Variants in MGMT observed in about 807,000 individuals in gnomAD.
The protein encoded by MGMT is O-6-methylguanine-DNA methyltransferase.
In MGMT, 14 loss-of-function variants were observed where a neutral mutation model predicts 15.9. That is an observed-to-expected ratio of 0.88 (90% CI 0.58 to 1.37). The LOEUF (loss-of-function observed/expected upper bound fraction) is 1.37. Ranked by LOEUF, MGMT falls within the 40% of genes most tolerant of loss-of-function variation. MGMT has a pLI of 0.00. For missense variants in MGMT, 282 were observed against 268.1 expected, an observed-to-expected ratio of 1.05 and a Z score of -0.36; for synonymous variants, 130 against 118.2, an observed-to-expected ratio of 1.10 and a Z score of -0.65.
chr10:129,517,933 C>T (rs1319264282), intron 1 of MGMT, among the ~76,000 whole-genome samples: 10 of 152,268 alleles, frequency 6.6e-5, no homozygotes, highest in South Asian at 2.1e-4. Context: ...CTTTGTCACC[C>T]GCAGTGAGAA....
chr10:129,693,985 G>A (rs982935935), intron 2 of MGMT: 1 of 152,208 alleles, frequency 6.6e-6, no homozygotes, highest in Non-Finnish European at 1.5e-5. Context: ...GAATGAGGTG[G>A]CCTGAGGCCC....
chr10:129,722,973 TCCAGTTTGGGTGACAGAG>T (rs1848389528), intron 3 of MGMT, among the ~76,000 whole-genome samples: 1 of 136,648 alleles, frequency 7.3e-6, no homozygotes, highest in African/African-American at 2.9e-5. Flanking sequence ...GCCACTGCAT[TCCAGTTTGGGTGACAGAG>T]GAAGACTCTA....
intron 2 of MGMT, among the ~76,000 whole-genome samples, chr10:129,603,676 T>C (rs752194716): frequency 1.1e-4 from 16 of 152,246 alleles, no homozygotes; most frequent in Non-Finnish European, 1.6e-4. Flanking sequence ...CTAAAAGCAA[T>C]TGCTAATTTC....
intron 2 of MGMT, among the ~76,000 whole-genome samples, chr10:129,673,650 AG>A (rs1457307039): frequency 6.6e-6 from 1 of 152,156 alleles, no homozygotes; most frequent in Non-Finnish European, 1.5e-5. Flanking sequence ...ATGCCCATTC[AG>A]GGGTTGCAAG....
chr10:129,598,774 G>A (rs1400943202), intron 2 of MGMT, among the ~76,000 whole-genome samples: 3 of 152,150 alleles, frequency 2.0e-5, no homozygotes, highest in Non-Finnish European at 2.9e-5. Flanking sequence ...ATATTACAAA[G>A]TAGAGACGAC....
chr10:129,530,461 G>T (rs1589852676), intron 1 of MGMT, among the ~76,000 whole-genome samples: 1 of 152,140 alleles, frequency 6.6e-6, no homozygotes, highest in Admixed American at 6.5e-5. Flanking sequence ...TGGCACCTTA[G>T]CCCAGTAGCT....
rs185056336 is a variant in MGMT, at chr10:129,719,561, C to T, written c.274+11518C>T. Among the ~76,000 whole-genome samples, 15 of 152,256 alleles carry T rather than the reference C, an allele frequency of 9.9e-5. 1 individual carries two copies. The highest frequency in any genetic ancestry group is 3.4e-4 in the African/African-American group (14 of 41,568). ...CTGTCCTGCTTGCCCTGCAGATGGC[C>T]GTCTCCTTGCTGCGTCCTCACTAGG... is the stretch of plus-strand genomic sequence containing the variant. On this transcript the variant is annotated intron_variant, in intron 3 of 4. Coordinates refer to ENST00000651593, the MANE Select transcript of MGMT (RefSeq NM_002412.5).
At chr10:129,641,745 G>A (rs1225429594) in intron 2 of MGMT, among the ~76,000 whole-genome samples, 1 of 152,096 alleles carries the variant, frequency 6.6e-6, no homozygotes, top group Non-Finnish European at 1.5e-5. Flanking sequence ...GACAGTTATA[G>A]CCTGTGTCAT....
At chr10:129,723,890 ACTGC>A (rs1192924973) in intron 3 of MGMT, among the ~76,000 whole-genome samples, 1 of 152,224 alleles carries the variant, frequency 6.6e-6, no homozygotes, top group East Asian at 1.9e-4. Context: ...TGTCGCAGAG[ACTGC>A]CGCAGCCTCG....
At position 129,711,114 on chromosome 10, in the gene MGMT, G is replaced by T. The variant is rs902759430; in HGVS notation, c.274+3071G>T. On this transcript the variant is annotated intron_variant, in intron 3 of 4. Coordinates refer to ENST00000651593, the MANE Select transcript of MGMT (RefSeq NM_002412.5). Reference sequence around the variant, plus strand: ...TACCAAGCCCTCATCCCTTCCTCAGGCCTGTCCTGCTGCTGAAAGACCCTC... The same window carrying T: ...TACCAAGCCCTCATCCCTTCCTCAGTCCTGTCCTGCTGCTGAAAGACCCTC... Among the ~76,000 whole-genome samples the T allele has an allele frequency of 2.0e-5, 3 of 152,130 alleles. No individual in the cohort carries two copies. In the East Asian group the frequency reaches 5.8e-4, roughly 29 times the overall value.
At chr10:129,622,219 T>G (rs1488166847) in intron 2 of MGMT, among the ~76,000 whole-genome samples, 2 of 152,260 alleles carry the variant, frequency 1.3e-5, no homozygotes, top group Non-Finnish European at 2.9e-5. Flanking sequence ...ATCGAATGAT[T>G]AGCAGTATGT....
At chr10:129,626,678 G>A (rs1009264580) in intron 2 of MGMT, among the ~76,000 whole-genome samples, 3 of 152,172 alleles carry the variant, frequency 2.0e-5, no homozygotes, top group Admixed American at 6.5e-5. Context: ...GACAGGCTCC[G>A]GTTCCAGCTA....
At chr10:129,543,404 A>G (rs1332116664) in intron 2 of MGMT, among the ~76,000 whole-genome samples, 3 of 152,138 alleles carry the variant, frequency 2.0e-5, no homozygotes, top group African/African-American at 7.2e-5. Flanking sequence ...ACTGCGGAGA[A>G]TCCCAGGCTG....
chr10:129,596,586 C>T (rs986473607), intron 2 of MGMT, among the ~76,000 whole-genome samples: 2 of 152,174 alleles, frequency 1.3e-5, no homozygotes, highest in South Asian at 2.1e-4. Context: ...TGGAGAACCA[C>T]GGTGCTTGAG....
chr10:129,731,343 A>C (rs916564114), intron 3 of MGMT, among the ~76,000 whole-genome samples: 7 of 149,720 alleles, frequency 4.7e-5, no homozygotes, highest in Admixed American at 1.3e-4. Flanking sequence ...CATATTGGAA[A>C]TTAAACCTAA....
At chr10:129,725,413 GT>G (rs1848421128) in intron 3 of MGMT, among the ~76,000 whole-genome samples, 3 of 152,282 alleles carry the variant, frequency 2.0e-5, no homozygotes, top group Admixed American at 2.0e-4. Flanking sequence ...TGAAGGCAGA[GT>G]TATCTAATTA....
chr10:129,637,811 G>A (rs920380845), intron 2 of MGMT, among the ~76,000 whole-genome samples: 12 of 152,148 alleles, frequency 7.9e-5, no homozygotes, highest in African/African-American at 1.9e-4. Flanking sequence ...AGGGGTGGCC[G>A]TCCGCAAGCC....
chr10:129,520,142 A>G (rs763403127), intron 1 of MGMT, among the ~76,000 whole-genome samples: 4 of 152,218 alleles, frequency 2.6e-5, no homozygotes, highest in Admixed American at 6.5e-5. Flanking sequence ...AGTGGGCAGA[A>G]AAAGATGGGA....
At chr10:129,733,056 C>G (rs1372087792) in intron 3 of MGMT, among the ~76,000 whole-genome samples, 2 of 150,950 alleles carry the variant, frequency 1.3e-5, no homozygotes, top group Non-Finnish European at 2.9e-5. Flanking sequence ...GATTTATAGT[C>G]CTTTGGGTAT....
Sources: allele counts gnomAD v4.1 joint callset (sites outside exome capture counted in the v4.1 genomes callset), GRCh38; gene constraint gnomAD v4.1.1; transcripts MANE v1.5; gene names NCBI Gene and HGNC (gene_info 2026-07-23, HGNC 2026-07-21).